Variants in CTBP2 observed in about 807,000 individuals in gnomAD.
The protein encoded by CTBP2 is C-terminal-binding protein 2.
In CTBP2, 30 loss-of-function variants were observed where a neutral mutation model predicts 80.3. The ratio of observed to expected loss-of-function variants is 0.37; its 90% CI spans 0.28 to 0.51. The LOEUF is 0.51. Ranked by LOEUF, CTBP2 falls within the 20% of genes least tolerant of loss-of-function variation. CTBP2 has a pLI of 0.93. For missense variants in CTBP2, 1,212 were observed against 1,375.3 expected, an observed-to-expected ratio of 0.88 and a Z score of 1.88; for synonymous variants, 594 against 587.4, an observed-to-expected ratio of 1.01 and a Z score of -0.16.
At chr10:125,022,242 T>G (rs1435391971) in intron 1 of CTBP2, among the ~76,000 whole-genome samples, 1 of 150,938 alleles carries the variant, frequency 6.6e-6, no homozygotes, top group Admixed American at 6.6e-5. Flanking sequence ...AGCATAGGAG[T>G]GGCCAAGAAG....
chr10:125,074,597 C>A (rs1238969578), intron 2 of CTBP2, among the ~76,000 whole-genome samples: 7 of 152,188 alleles, frequency 4.6e-5, no homozygotes, highest in Non-Finnish European at 1.0e-4. Flanking sequence ...CCGCCCGCCT[C>A]GGCCTCCCAA....
intron 2 of CTBP2, among the ~76,000 whole-genome samples, chr10:125,078,002 C>T (rs1156285496): frequency 2.0e-5 from 3 of 152,156 alleles, no homozygotes; most frequent in Non-Finnish European, 4.4e-5. Context: ...TTTCTCAGGC[C>T]GGGCGCGGTG....
chr10:124,991,483 G>C (rs1190449105), intron 8 of CTBP2, among the ~76,000 whole-genome samples: 1 of 152,214 alleles, frequency 6.6e-6, no homozygotes, highest in African/African-American at 2.4e-5. Context: ...CAAAAGGACG[G>C]GGCTGGATGA....
At chr10:125,012,867 A>C (rs1334567067) in intron 1 of CTBP2, among the ~76,000 whole-genome samples, 2 of 152,184 alleles carry the variant, frequency 1.3e-5, no homozygotes, top group Non-Finnish European at 2.9e-5. Flanking sequence ...GGCATGAGCC[A>C]CCGCGCCCGG....
chr10:125,118,182 T>G (rs118057625), intron 1 of CTBP2, among the ~76,000 whole-genome samples: 1 of 151,432 alleles, frequency 6.6e-6, no homozygotes, highest in Non-Finnish European at 1.5e-5. Context: ...TCAATTAATG[T>G]GACCATTCCC....
Position 124,987,875 on chromosome 10 carries a change from A to AAACC in CTBP2, c.*1642_*1643insGGTT, listed in dbSNP as rs2134028131. The AAACC allele has an allele frequency of 6.6e-6, 1 of 152,358 alleles. No homozygotes were observed. The highest frequency in any genetic ancestry group is 2.1e-4 in the South Asian group (1 of 4,824). The allele number at this position is 152,358 out of a possible 1,614,324, so 9.4% of individuals were successfully genotyped here. ...ACTTTTAGTATAAAGGTTTAATTCTATTTAAAAAGAAGATCCATTAAATCA... is the reference window on the plus strand; with the variant it reads ...ACTTTTAGTATAAAGGTTTAATTCTAAACCTTTAAAAAGAAGATCCATTAAATCA... On this transcript the variant is annotated 3_prime_UTR_variant, in exon 9 of 9. Transcript: ENST00000309035.
intron 2 of CTBP2, among the ~76,000 whole-genome samples, chr10:125,073,456 C>A (rs1845820269): frequency 1.3e-5 from 2 of 152,218 alleles, no homozygotes; most frequent in Non-Finnish European, 2.9e-5. Context: ...GTTGGCCAGG[C>A]TGGTCAACTC....
chr10:125,103,625 G>C (rs73377290), intron 2 of CTBP2, among the ~76,000 whole-genome samples: 1 of 152,100 alleles, frequency 6.6e-6, no homozygotes, highest in South Asian at 2.1e-4. Flanking sequence ...ACGCTTCTGC[G>C]ACATGCAGAA....
chr10:125,078,799 G>T (rs569667856), intron 2 of CTBP2, among the ~76,000 whole-genome samples: 25 of 152,088 alleles, frequency 1.6e-4, no homozygotes, highest in African/African-American at 6.0e-4. Flanking sequence ...TTTTCCTGCT[G>T]TGTTTTCCTA....
At chr10:124,997,777 G>C in intron 4 of CTBP2, 187 bp downstream of exon 6, 2 of 611,476 alleles carry the variant, frequency 3.3e-6, no homozygotes, top group Non-Finnish European at 5.7e-6. Context: ...CCCAGATCCT[G>C]CCTCTAGGGT....
At chr10:125,035,307 C>T (rs577135364) in intron 3 of CTBP2, among the ~76,000 whole-genome samples, 13 of 152,214 alleles carry the variant, frequency 8.5e-5, no homozygotes, top group African/African-American at 3.1e-4. Context: ...GAGAACATTC[C>T]AGAGGTGCGG....
chr10:125,009,333 C>G (rs546295214), intron 1 of CTBP2, among the ~76,000 whole-genome samples: 2 of 152,182 alleles, frequency 1.3e-5, no homozygotes, highest in Admixed American at 6.5e-5. Flanking sequence ...CCTAAGCAGC[C>G]GGTGTGGCTC....
At chr10:125,011,295 G>A (rs1207324076) in intron 1 of CTBP2, among the ~76,000 whole-genome samples, 1 of 152,204 alleles carries the variant, frequency 6.6e-6, no homozygotes, top group Non-Finnish European at 1.5e-5. Flanking sequence ...AAATAGATTT[G>A]CTTCTTAAAT....
intron 2 of CTBP2, among the ~76,000 whole-genome samples, chr10:125,078,052 G>A (rs1377955472): frequency 2.0e-5 from 3 of 151,922 alleles, no homozygotes; most frequent in South Asian, 2.1e-4. Flanking sequence ...AGGCCAAGAC[G>A]GGCAGATCAC....
At chr10:125,129,080 T>C (rs997542459) in intron 1 of CTBP2, among the ~76,000 whole-genome samples, 1 of 152,250 alleles carries the variant, frequency 6.6e-6, no homozygotes, top group African/African-American at 2.4e-5. Flanking sequence ...ATAATATACA[T>C]ACATATTAAA....
upstream of CTBP2, among the ~76,000 whole-genome samples, chr10:125,028,734 T>C (rs542762332): frequency 9.8e-5 from 15 of 152,342 alleles, no homozygotes; most frequent in South Asian, 2.9e-3. Context: ...AACCTTACAC[T>C]GCAAAGCAGA....
chr10:125,107,595 G>A (rs1464008186), intron 2 of CTBP2, among the ~76,000 whole-genome samples: 2 of 152,210 alleles, frequency 1.3e-5, no homozygotes, highest in Non-Finnish European at 2.9e-5. Context: ...CAATGATCAG[G>A]AAGATGACCT....
chr10:125,155,134 A>C (rs1433073382), intron 1 of CTBP2, among the ~76,000 whole-genome samples: 1 of 152,220 alleles, frequency 6.6e-6, no homozygotes, highest in East Asian at 1.9e-4. Context: ...TGAGAAGAGA[A>C]AGCACACGAC....
intron 1 of CTBP2, among the ~76,000 whole-genome samples, chr10:125,124,379 G>A (rs536280980): frequency 1.3e-5 from 2 of 152,302 alleles, no homozygotes; most frequent in Admixed American, 6.5e-5. Flanking sequence ...CTGCAGGAGC[G>A]TCTTTGCTGT....
Sources: allele counts gnomAD v4.1 joint callset (sites outside exome capture counted in the v4.1 genomes callset), GRCh38; gene constraint gnomAD v4.1.1; transcripts MANE v1.5; gene names NCBI Gene and HGNC (gene_info 2026-07-23, HGNC 2026-07-21).